Variants in LRRC18 observed in about 807,000 individuals in gnomAD.
The protein encoded by LRRC18 is leucine-rich repeat-containing protein 18.
In LRRC18, 12 loss-of-function variants were observed where a neutral mutation model predicts 11.2. The observed-to-expected ratio is 1.07, with a 90% confidence interval of 0.69 to 1.74. The LOEUF is 1.74. Among genes scored for constraint, LRRC18 ranks in the 40% most tolerant of loss-of-function variants. The pLI is 0.00. For missense variants in LRRC18, 374 were observed against 330.5 expected (o/e 1.13, Z -1.02); for synonymous variants, 155 against 130.6 (o/e 1.19, Z -1.27).
At chr10:48,914,769 A>G (rs913669209), upstream of LRRC18, among the ~76,000 whole-genome samples, 16 of 152,138 alleles carry the variant, frequency 1.1e-4, no homozygotes, top group African/African-American at 3.6e-4. Flanking sequence ...CTACAGTCCA[A>G]CAGTAGCCAT....
At chr10:48,910,525 C>T (rs958995987) in intron 1 of LRRC18, among the ~76,000 whole-genome samples, 2 of 152,176 alleles carry the variant, frequency 1.3e-5, no homozygotes, top group African/African-American at 4.8e-5. Context: ...AAACCTTTTC[C>T]TTGGCAGAAA....
the LRRC18 span, among the ~76,000 whole-genome samples, chr10:48,919,255 G>A: frequency 6.6e-6 from 1 of 152,114 alleles, no homozygotes; most frequent in Non-Finnish European, 1.5e-5. Context: ...AGGCATTAAA[G>A]GGATAATAAG....
At chr10:48,910,850 G>A in intron 1 of LRRC18, 1 of 936,912 alleles carries the variant, frequency 1.1e-6, no homozygotes, top group Non-Finnish European at 1.3e-6. Flanking sequence ...AGCGGGGAAG[G>A]GAGGACGTGG....
the LRRC18 span, among the ~76,000 whole-genome samples, chr10:48,932,062 C>T: frequency 2.0e-5 from 3 of 152,220 alleles, no homozygotes; most frequent in Admixed American, 1.3e-4. Flanking sequence ...ATTGCCAACC[C>T]AGGTTTAGTC....
At chr10:48,917,366 T>C (rs566556184), upstream of LRRC18, among the ~76,000 whole-genome samples, 22 of 152,104 alleles carry the variant, frequency 1.4e-4, no homozygotes, top group South Asian at 4.6e-3. Flanking sequence ...CTTCCAACAG[T>C]GATGAAAAAG....
At chr10:48,913,586 G>A (rs1838214136) in exon 1 of LRRC18, 1 of 1,614,022 alleles carries the variant, frequency 6.2e-7, no homozygotes, top group African/African-American at 1.3e-5. Flanking sequence ...TCCTGATGGA[G>A]TCTATGAATA....
chr10:48,937,181 A>G, the LRRC18 span, among the ~76,000 whole-genome samples: 8 of 152,176 alleles, frequency 5.3e-5, no homozygotes, highest in Non-Finnish European at 1.5e-5. Context: ...CGTGTGAGCC[A>G]CTGTGCCAGC....
chr10:48,914,880 G>T (rs1007848532), upstream of LRRC18, among the ~76,000 whole-genome samples: 8 of 152,320 alleles, frequency 5.3e-5, no homozygotes, highest in East Asian at 1.9e-4. Flanking sequence ...GGGATGGGGG[G>T]TGCGGGCAAA....
chr10:48,917,476 G>GA (rs1838656674), upstream of LRRC18, among the ~76,000 whole-genome samples: 2 of 152,228 alleles, frequency 1.3e-5, no homozygotes, highest in African/African-American at 2.4e-5. Context: ...CCAAATTAAA[G>GA]AAAAAACATG....
upstream of LRRC18, among the ~76,000 whole-genome samples, chr10:48,919,212 C>G (rs1410432729): frequency 6.6e-6 from 1 of 151,708 alleles, no homozygotes; most frequent in Non-Finnish European, 1.5e-5. Context: ...TTACACATAT[C>G]AGGAGTTAAA....
At chr10:48,930,896 G>T in the LRRC18 span, among the ~76,000 whole-genome samples, 2 of 152,146 alleles carry the variant, frequency 1.3e-5, no homozygotes, top group Admixed American at 1.3e-4. Context: ...TGGCACACAT[G>T]CACCCCCATA....
chr10:48,911,408 A>G (rs1467140815), intron 1 of LRRC18, among the ~76,000 whole-genome samples: 2 of 152,264 alleles, frequency 1.3e-5, no homozygotes, highest in Non-Finnish European at 2.9e-5. Flanking sequence ...TTAACACAAT[A>G]TTTCCAATAA....
chr10:48,931,191 G>T, the LRRC18 span, among the ~76,000 whole-genome samples: 1 of 152,240 alleles, frequency 6.6e-6, no homozygotes, highest in East Asian at 1.9e-4. Context: ...ACTGGAGCTA[G>T]ATTTGCCTTT....
the LRRC18 span, among the ~76,000 whole-genome samples, chr10:48,925,442 G>A: frequency 6.6e-6 from 1 of 152,228 alleles, no homozygotes; most frequent in South Asian, 2.1e-4. Context: ...ATAGCTTGGA[G>A]AATTACCCCT....
upstream of LRRC18, among the ~76,000 whole-genome samples, chr10:48,916,165 C>T (rs1465767581): frequency 6.6e-6 from 1 of 152,160 alleles, no homozygotes; most frequent in African/African-American, 2.4e-5. Flanking sequence ...ACCAATCTGG[C>T]CACAAGTTTC....
the LRRC18 span, among the ~76,000 whole-genome samples, chr10:48,920,666 T>C: frequency 1.3e-5 from 2 of 152,190 alleles, no homozygotes; most frequent in Admixed American, 1.3e-4. Context: ...TTCTAACCAG[T>C]GCAATAATGC....
chr10:48,918,539 G>A (rs1225227434), upstream of LRRC18, among the ~76,000 whole-genome samples: 1 of 152,124 alleles, frequency 6.6e-6, no homozygotes, highest in African/African-American at 2.4e-5. Flanking sequence ...TCCTAAATGT[G>A]TATGTACCTA....
At chr10:48,922,874 G>T in the LRRC18 span, among the ~76,000 whole-genome samples, 2 of 152,160 alleles carry the variant, frequency 1.3e-5, no homozygotes, top group African/African-American at 4.8e-5. Flanking sequence ...TGGTTGCAGG[G>T]ATTAGGGGTT....
chr10:48,920,820 C>T, the LRRC18 span, among the ~76,000 whole-genome samples: 1 of 152,288 alleles, frequency 6.6e-6, no homozygotes, highest in South Asian at 2.1e-4. Flanking sequence ...CCATAGGATA[C>T]AAGGTTAGCA....
Sources: gnomAD v4.1 joint callset for allele counts (sites outside exome capture counted in the v4.1 genomes callset) on GRCh38, gnomAD v4.1.1 for gene constraint, MANE v1.5 for transcripts, NCBI Gene and HGNC (gene_info 2026-07-23, HGNC 2026-07-21) for gene names.